The following CDC42BPG variants were observed in gnomAD, a reference collection of about 807,000 sequenced individuals.
CDC42BPG encodes CDC42 binding protein kinase gamma.
In CDC42BPG, 157 loss-of-function variants were observed where a neutral mutation model predicts 192.2. The observed-to-expected ratio is 0.82, with a 90% CI of 0.72 to 0.93. The LOEUF (loss-of-function observed/expected upper bound fraction) is 0.93. Ranked by LOEUF, CDC42BPG falls within the 40% of genes least tolerant of loss-of-function variation. The pLI, the probability that CDC42BPG is intolerant of heterozygous loss-of-function variation, is 0.00. For synonymous variants in CDC42BPG, 981 were observed against 918.5 expected (o/e 1.07, Z -1.23); for missense variants, 1,992 against 2,122.1 (o/e 0.94, Z 1.20).
At position 64,831,705 on chromosome 11, in the gene CDC42BPG, A is replaced by G. The variant is rs756346315; in HGVS notation, c.3104T>C (p.Leu1035Pro). The G allele has an allele frequency of 2.5e-6, 4 of 1,599,886 alleles. No individual in the cohort carries two copies. The East Asian group carries it at 6.7e-5, about 27-fold the overall frequency. ...PRIFRVTTSQLAVPPTTCTVL... is the reference protein window; with the variant it reads ...PRIFRVTTSQPAVPPTTCTVL... The stretch of plus-strand genomic sequence containing the variant: ...AGTGCACGTGGTGGGCGGCACTGCC[A>G]GCTGGGAGGTTGTCACCTGTGGGCA... Residue 1035 changes from leucine to proline, a missense_variant, in exon 28 of 37, where the codon CTG becomes CCG. By Grantham distance (98) the Leu-to-Pro change is moderately conservative. Coordinates refer to ENST00000342711, the MANE Select transcript of CDC42BPG (RefSeq NM_017525.3).
In CDC42BPG at chr11:64,823,078, CCTTTT is replaced by C. The variant is rs1366991265; in HGVS notation, c.*1390_*1394del. On this transcript the variant is annotated 3_prime_UTR_variant, in exon 37 of 37. Transcript: ENST00000342711. ...CTTACAAAGCTGTCTTTATTGGTTT[CCTTTT>C]CTTTTCTTTTTTTTTTTTTTTGAGA... 2.7e-5 allele frequency among the ~76,000 whole-genome samples: 4 copies of C among 146,458 alleles called. No individual in the cohort carries two copies. The highest frequency in any genetic ancestry group is 3.9e-4 in the East Asian group (2 of 5,148).
intron 28 of CDC42BPG, among the ~76,000 whole-genome samples, chr11:64,830,799 G>A (rs1942649787): frequency 1.3e-5 from 2 of 152,224 alleles, no homozygotes; most frequent in African/African-American, 2.4e-5. Flanking sequence ...CTGAGCACAA[G>A]TGAAGCTCTT....
chr11:64,843,984 G>C (rs976418989), intron 1 of CDC42BPG, among the ~76,000 whole-genome samples: 10 of 152,314 alleles, frequency 6.6e-5, no homozygotes, highest in African/African-American at 2.4e-4. Flanking sequence ...CTCTCCATGA[G>C]TTGTGTGTCT....
Position 64,844,428 on chromosome 11 carries a change from C to A in CDC42BPG, c.142G>T (p.Ala48Ser). 1 of 1,462,550 alleles carries A rather than the reference C, an allele frequency of 6.8e-7. No individual in the cohort carries two copies. Among genetic ancestry groups the A allele is most frequent in the Non-Finnish European group, 9.0e-7 (1 of 1,112,022 alleles). The allele number at this position is 1,462,550 out of a possible 1,614,324, so 90.6% of individuals were successfully genotyped here. The part of the protein sequence containing the change: ...SGPLRRERSV[A>S]QFLSWASPFV... ...CACTCACCCCAGCTCAGGAACTGCG[C>A]CACGCTGCGCTCCCGCCGTAGGGGG... is the stretch of plus-strand genomic sequence containing the variant. The change falls in exon 1 of 37, where the codon GCG (alanine) becomes TCG (serine). Residue 48 changes from alanine (A) to serine (S), a missense_variant. Ala to Ser is a moderately conservative substitution (Grantham distance 99). Coordinates refer to ENST00000342711, the MANE Select transcript of CDC42BPG (RefSeq NM_017525.3).
chr11:64,837,782 G>C (rs1471626192), intron 9 of CDC42BPG, among the ~76,000 whole-genome samples: 1 of 152,170 alleles, frequency 6.6e-6, no homozygotes, highest in South Asian at 2.1e-4. Context: ...ATTTTACAGA[G>C]CCACAAAGTG....
chr11:64,841,983 C>G, intron 1 of CDC42BPG, 79 bp from the exon 2 acceptor site: 1 of 1,175,152 alleles, frequency 8.5e-7, no homozygotes, highest in African/African-American at 1.5e-5. Context: ...AAGCCAGGAG[C>G]TGCCGCTCCT....
chr11:64,830,965 T>C (rs1942656404), intron 28 of CDC42BPG, among the ~76,000 whole-genome samples: 1 of 152,154 alleles, frequency 6.6e-6, no homozygotes. Context: ...TGCCTATAAT[T>C]CCAGCACTTT....
rs141564627 is a variant in CDC42BPG, at chr11:64,827,125, C to G, written c.4314G>C (p.Ser1438=). 5.8e-5 allele frequency: 94 copies of G among 1,613,994 alleles called. No homozygotes were observed. The highest frequency in any genetic ancestry group is 7.9e-5 in the Non-Finnish European group (93 of 1,179,992). The change falls in exon 34 of 37, where the codon TCG becomes TCC. Residue 1438 remains serine (S), a synonymous_variant. Transcript: ENST00000342711. ...KDPFVRSKLI[S]PPTNFNHLVH... ...CTAGGTGGTTGAAGTTGGTAGGCGG[C>G]GAGATGAGCTTGGAGCGCACAAAAG...
chr11:64,834,133 G>A lies in CDC42BPG; in HGVS notation c.2413+133C>T, dbSNP rs1049500495. The A allele has an allele frequency of 8.0e-6, 11 of 1,374,662 alleles. No individual in the cohort carries two copies. In the African/African-American group the frequency reaches 1.4e-4, roughly 18 times the overall value. The allele number at this position is 1,374,662 out of a possible 1,614,324, so 85.2% of individuals were successfully genotyped here. A position where few individuals can be genotyped will look rare whatever the true frequency, so the allele number is the denominator to read the frequency against. On this transcript the variant is annotated intron_variant, in intron 20 of 36. Transcript: ENST00000342711. Reference sequence around the variant, plus strand: ...CACTCCAGAAGTGCTGGTCACAGATGATGGAGTAAGCGGCAGAGTCCAGGA... The same window carrying A: ...CACTCCAGAAGTGCTGGTCACAGATAATGGAGTAAGCGGCAGAGTCCAGGA...
rs759110485 is a variant in CDC42BPG at position 64,831,660 on chromosome 11, C to G, written c.3149G>C (p.Ser1050Thr). ...CAGCCAGCGTTCCCGCTCCCCCTCG[C>G]TCTCTGCCAGCAGCAGCACAGTGCA... The part of the protein sequence containing the change: ...TTCTVLLLAE[S>T]EGERERWLQV... The change falls in exon 28 of 37, where the codon AGC becomes ACC. Residue 1050 changes from serine (S) to threonine (T), a missense_variant. This residue lies in a region of CDC42BPG where 1,656 missense variants were observed against 1,844.3 expected (regional missense o/e 0.90). Transcript: ENST00000342711. 4 of 1,610,202 alleles carry G rather than the reference C, an allele frequency of 2.5e-6. No homozygotes were observed. The highest frequency in any genetic ancestry group is 1.7e-5 in the Admixed American group (1 of 59,932).
Position 64,833,847 on chromosome 11 carries a change from G to A in CDC42BPG, c.2467-11C>T, listed in dbSNP as rs1206006351. 2 of 1,614,072 alleles carry A rather than the reference G, an allele frequency of 1.2e-6. No individual in the cohort carries two copies. Among genetic ancestry groups the A allele is most frequent in the Non-Finnish European group, 1.7e-6 (2 of 1,179,996 alleles). ...CTTGGCAGAATCCTTCTGGGGGTGGGAGAGAGAGGAGCAAAGTCAAGGTCC... is the reference window on the plus strand; with the variant it reads ...CTTGGCAGAATCCTTCTGGGGGTGGAAGAGAGAGGAGCAAAGTCAAGGTCC... On this transcript the variant is annotated splice_polypyrimidine_tract_variant and intron_variant, in intron 21 of 36. Transcript: ENST00000342711.
rs777959071 is a variant in CDC42BPG, at chr11:64,838,911, C to T, written c.877-9G>A. 10 of 1,455,482 alleles carry T rather than the reference C, an allele frequency of 6.9e-6. No individual in the cohort carries two copies. In the South Asian group the frequency reaches 7.2e-5, roughly 10 times the overall value. The allele number at this position is 1,455,482 out of a possible 1,614,324, so 90.2% of individuals were successfully genotyped here. Reference sequence around the variant, plus strand: ...GGGAACTGCAGGTGGTCCTGTGGGTCGGGGGAGGGGGCAGGCTGGGTCAAG... The same window carrying T: ...GGGAACTGCAGGTGGTCCTGTGGGTTGGGGGAGGGGGCAGGCTGGGTCAAG... On this transcript the variant is annotated splice_polypyrimidine_tract_variant and intron_variant, in intron 7 of 36. Coordinates refer to ENST00000342711, the MANE Select transcript of CDC42BPG (RefSeq NM_017525.3).
chr11:64,831,259 C>G (rs1942673416), intron 28 of CDC42BPG, among the ~76,000 whole-genome samples: 1 of 151,364 alleles, frequency 6.6e-6, no homozygotes, highest in Non-Finnish European at 1.5e-5. Flanking sequence ...GTTCCTTCCA[C>G]TTGCTTGAGA....
intron 3 of CDC42BPG, among the ~76,000 whole-genome samples, chr11:64,841,150 T>TAA (rs1324203282): frequency 7.3e-6 from 1 of 136,366 alleles, no homozygotes; most frequent in Non-Finnish European, 1.6e-5. Flanking sequence ...GACTCTATCT[T>TAA]AAAAAAAAAA....
chr11:64,834,842 G>T lies in CDC42BPG; in HGVS notation c.2175+7C>A. ...AGCCAGCCCCCAGGGGCATCTCTGGGGCTCACCAGTGGCCGGGCAGGGAGC... is the reference window on the plus strand; with the variant it reads ...AGCCAGCCCCCAGGGGCATCTCTGGTGCTCACCAGTGGCCGGGCAGGGAGC... On this transcript the variant is annotated splice_region_variant and intron_variant, in intron 18 of 36. Transcript: ENST00000342711. 6.2e-7 allele frequency: 1 copy of T among 1,611,262 alleles called. No homozygotes were observed. Among genetic ancestry groups the T allele is most frequent in the South Asian group, 1.1e-5 (1 of 90,866 alleles).
Position 64,830,204 on chromosome 11 carries a change from C to T in CDC42BPG, c.3357G>A (p.Leu1119=). ...AGCTTTGATAGGTACCGTTGCTGCG[C>T]AGATGGATGACAAAGAGCCCCTCCT... ...GTEEGLFVIH[L]RSNDIFQVGE... The change falls in exon 29 of 37, where the codon CTG becomes CTA. Residue 1119 remains leucine, a synonymous_variant. Coordinates refer to ENST00000342711, the MANE Select transcript of CDC42BPG (RefSeq NM_017525.3). 1.2e-6 allele frequency: 2 copies of T among 1,613,660 alleles called. No individual in the cohort carries two copies. Among genetic ancestry groups the T allele is most frequent in the Non-Finnish European group, 1.7e-6 (2 of 1,179,812 alleles).
At position 64,840,657 on chromosome 11, in the gene CDC42BPG, G is replaced by C; in HGVS notation, c.337-9C>G. ...TCCCGGAAACAGGCTGTCTGCAGCA[G>C]GTTTGGGGAAGTAAGGGGTGGGGTG... is the stretch of plus-strand genomic sequence containing the variant. On this transcript the variant is annotated splice_polypyrimidine_tract_variant and intron_variant, in intron 3 of 36. Coordinates refer to ENST00000342711, the MANE Select transcript of CDC42BPG (RefSeq NM_017525.3). The C allele has an allele frequency of 6.2e-7, 1 of 1,613,530 alleles. No individual in the cohort carries two copies. The highest frequency in any genetic ancestry group is 8.5e-7 in the Non-Finnish European group (1 of 1,179,904).
chr11:64,834,405 C>T (rs1216046820), intron 19 of CDC42BPG, 24 bp downstream of exon 19: 2 of 1,561,510 alleles, frequency 1.3e-6, no homozygotes, highest in East Asian at 4.8e-5. Flanking sequence ...GGCCCTGGCC[C>T]CCAGTGCCTG....
rs765552100 is a variant in CDC42BPG, at chr11:64,836,520, C to G, written c.1395G>C (p.Arg465Ser). ...CCGTCTGGGACAATGAGGCCTTGTC[C>G]CTCAGCATCTCTGCCAGGAAGAGTC... ...TLRDRLPEMLRDKASLSQTDG... is the reference protein window; with the variant it reads ...TLRDRLPEMLSDKASLSQTDG... The change falls in exon 12 of 37, where the codon AGG becomes AGC. Residue 465 changes from arginine (R) to serine (S), a missense_variant. By Grantham distance (110) the Arg-to-Ser change is moderately radical. Transcript: ENST00000342711. 1 of 1,613,144 alleles carries G rather than the reference C, an allele frequency of 6.2e-7. No individual in the cohort carries two copies. The highest frequency in any genetic ancestry group is 1.3e-5 in the African/African-American group (1 of 74,916).
Sources: gnomAD v4.1 joint callset for allele counts (sites outside exome capture counted in the v4.1 genomes callset) on GRCh38, gnomAD v4.1.1 for gene constraint, gnomAD v4.1.1 regional missense constraint, MANE v1.5 for transcripts, NCBI Gene and HGNC (gene_info 2026-07-23, HGNC 2026-07-21) for gene names.